DUSP22: variants seen among roughly 807,000 people sequenced by gnomAD.
DUSP22 encodes dual specificity protein phosphatase 22.
A neutral mutation model predicts 24.5 loss-of-function variants in DUSP22; 24 were observed. The ratio of observed to expected loss-of-function variants is 0.98; its 90% CI spans 0.71 to 1.38. The LOEUF (loss-of-function observed/expected upper bound fraction) is 1.38. Among genes scored for constraint, DUSP22 ranks in the 40% most tolerant of loss-of-function variants. DUSP22 has a pLI of 0.00. For missense variants in DUSP22, 330 were observed against 269.2 expected (o/e 1.23, Z -1.58); for synonymous variants, 160 against 106.4 (o/e 1.50, Z -3.10).
rs1431931017 is a variant in DUSP22, at chr6:349,284, C to T, written c.*333C>T. On this transcript the variant is annotated 3_prime_UTR_variant, in exon 7 of 7. Transcript: ENST00000419235. ...GCCTGTGTGAGTGAGGGTATGTGCA[C>T]CTAAGTGTGTACATGTGTGTATGTT... 1.6e-6 allele frequency: 2 copies of T among 1,280,946 alleles called. No individual in the cohort carries two copies. Among genetic ancestry groups the T allele is most frequent in the Non-Finnish European group, 2.0e-6 (2 of 1,005,848 alleles). The allele number at this position is 1,280,946 out of a possible 1,614,324, so 79.3% of individuals were successfully genotyped here.
intron 1 of DUSP22, among the ~76,000 whole-genome samples, chr6:295,827 CA>C (rs1757302498): frequency 6.7e-6 from 1 of 148,616 alleles, no homozygotes; most frequent in Non-Finnish European, 1.5e-5. Context: ...AACCCAACAA[CA>C]ACACAGTTGT....
chr6:328,406 A>G (rs1758984219), intron 3 of DUSP22, among the ~76,000 whole-genome samples: 1 of 152,306 alleles, frequency 6.6e-6, no homozygotes, highest in Non-Finnish European at 1.5e-5. Flanking sequence ...TTGCACTGAA[A>G]TATCTTGAAC....
Position 348,932 on chromosome 6 carries a change from A to G in DUSP22, c.599A>G (p.Asn200Ser). The change falls in exon 7 of 7, where the codon AAT becomes AGT. Residue 200 changes from asparagine to serine, a missense_variant. Physicochemically the swap from Asn to Ser is conservative, Grantham distance 46. Transcript: ENST00000419235. ...FPALAPLTYD[N>S]YTTET ...GCACTGGCTCCGCTGACCTACGATA[A>G]TTATACGACGGAGACCTAACGCAAG... 6.2e-7 allele frequency: 1 copy of G among 1,607,014 alleles called. No homozygotes were observed. The highest frequency in any genetic ancestry group is 8.5e-7 in the Non-Finnish European group (1 of 1,176,198).
rs951345827 is a variant in DUSP22, at chr6:346,044, C to A, written c.263+116C>A. 3.0e-6 allele frequency: 4 copies of A among 1,329,086 alleles called. No individual in the cohort carries two copies. In the Admixed American group the frequency reaches 6.1e-5, roughly 20 times the overall value. 82.3% of individuals were successfully genotyped at this position (1,329,086 alleles called of 1,614,324 possible). A position where few individuals can be genotyped will look rare whatever the true frequency, so the allele number is the denominator to read the frequency against. On this transcript the variant is annotated intron_variant, in intron 5 of 6. Transcript: ENST00000419235. The stretch of plus-strand genomic sequence containing the variant: ...CACCTCCTAATAGTTTTCTGTAAAC[C>A]CTGACTCTCAAACGCGTGCTCCATT...
At chr6:318,867 A>G (rs1189972851) in intron 3 of DUSP22, among the ~76,000 whole-genome samples, 3 of 152,300 alleles carry the variant, frequency 2.0e-5, no homozygotes, top group African/African-American at 4.8e-5. Flanking sequence ...CTCGGCAGCA[A>G]TTCAACAAGA....
At chr6:310,952 A>G (rs1341438759) in intron 2 of DUSP22, among the ~76,000 whole-genome samples, 1 of 152,302 alleles carries the variant, frequency 6.6e-6, no homozygotes, top group African/African-American at 2.4e-5. Flanking sequence ...CTGAGGCAAA[A>G]TTAATACAGA....
chr6:342,911 G>A (rs1280580399), intron 4 of DUSP22, among the ~76,000 whole-genome samples: 1 of 152,308 alleles, frequency 6.6e-6, no homozygotes, highest in Non-Finnish European at 1.5e-5. Flanking sequence ...TTATCTCCAG[G>A]CCAGCAGACT....
At chr6:345,776 A>C in intron 4 of DUSP22, 78 bp from the exon 5 acceptor site, 2 of 1,530,114 alleles carry the variant, frequency 1.3e-6, no homozygotes, top group South Asian at 2.3e-5. Flanking sequence ...TTAAGAAAGA[A>C]GCCTCAGGTA....
chr6:294,004 G>C (rs895964986), intron 1 of DUSP22, among the ~76,000 whole-genome samples: 36 of 152,356 alleles, frequency 2.4e-4, no homozygotes, highest in African/African-American at 8.2e-4. Flanking sequence ...TGGTATCTCA[G>C]CTTTCCTTTG....
At chr6:300,279 C>T (rs1757519315) in intron 1 of DUSP22, among the ~76,000 whole-genome samples, 1 of 152,308 alleles carries the variant, frequency 6.6e-6, no homozygotes, top group African/African-American at 2.4e-5. Flanking sequence ...TTGGAGAATG[C>T]CTTCGGGCTC....
rs1760152458 is a variant in DUSP22, at chr6:350,586, G to A, written c.*1635G>A. 2.8e-6 allele frequency: 4 copies of A among 1,420,612 alleles called. No individual in the cohort carries two copies. The highest frequency in any genetic ancestry group is 3.0e-5 in the South Asian group (2 of 65,884). The allele number at this position is 1,420,612 out of a possible 1,614,324, so 88.0% of individuals were successfully genotyped here. ...CCGCGCAGGTGCACAGGCCCCGGAT[G>A]TACACCCGGAAAGGGGAGTGTGGCT... is the stretch of plus-strand genomic sequence containing the variant. On this transcript the variant is annotated 3_prime_UTR_variant, in exon 7 of 7. Transcript: ENST00000419235.
At chr6:325,825 G>T (rs766878381) in intron 3 of DUSP22, 11 of 181,600 alleles carry the variant, frequency 6.1e-5, no homozygotes, top group South Asian at 1.6e-4. Context: ...AGAGTCATCT[G>T]CCCTGGGCTT....
At chr6:322,977 C>T (rs1758680813) in intron 3 of DUSP22, among the ~76,000 whole-genome samples, 2 of 152,302 alleles carry the variant, frequency 1.3e-5, no homozygotes, top group African/African-American at 4.8e-5. Context: ...CCTAGTTTAC[C>T]AAAGACTGGT....
Position 348,992 on chromosome 6 carries a change from A to G in DUSP22, c.*41A>G. On this transcript the variant is annotated 3_prime_UTR_variant, in exon 7 of 7. Transcript: ENST00000419235. ...GCCTTCCTTCCCACTGCTTGTCTTC[A>G]GTGTGCCCGGCTGGGCAGGGGTGCG... 1.3e-6 allele frequency: 2 copies of G among 1,552,812 alleles called. No individual in the cohort carries two copies. The highest frequency in any genetic ancestry group is 1.7e-6 in the Non-Finnish European group (2 of 1,147,964).
chr6:304,675 T>G lies in DUSP22; in HGVS notation c.55+14T>G, dbSNP rs1174948230. ...GCAACTTCAAAGGTGAGTTCTTGCT[T>G]TTTTATTGTTGTGATAAAATACACA... On this transcript the variant is annotated intron_variant, in intron 2 of 6. Coordinates refer to ENST00000419235, the MANE Select transcript of DUSP22 (RefSeq NM_001286555.3). 1.9e-6 allele frequency: 3 copies of G among 1,614,172 alleles called. No individual in the cohort carries two copies. Among genetic ancestry groups the G allele is most frequent in the Non-Finnish European group, 2.5e-6 (3 of 1,179,950 alleles).
intron 4 of DUSP22, among the ~76,000 whole-genome samples, chr6:343,600 G>T (rs1759716697): frequency 6.6e-6 from 1 of 151,982 alleles, no homozygotes; most frequent in Non-Finnish European, 1.5e-5. Context: ...CGGAGTCCTT[G>T]ATTTGGTCCC....
intron 1 of DUSP22, among the ~76,000 whole-genome samples, chr6:296,070 A>C (rs1757314923): frequency 6.6e-6 from 1 of 152,302 alleles, no homozygotes; most frequent in South Asian, 2.1e-4. Context: ...CCTAAAAAGT[A>C]ACTTGAAAAG....
chr6:349,800 G>A lies in DUSP22; in HGVS notation c.*849G>A, dbSNP rs1193455862. Reference sequence around the variant, plus strand: ...CCCATCGAGCCCTGAGTTCTACTTGGTGTTTGTTCTCTGGAGCTGATTGCA... The same window carrying A: ...CCCATCGAGCCCTGAGTTCTACTTGATGTTTGTTCTCTGGAGCTGATTGCA... On this transcript the variant is annotated 3_prime_UTR_variant, in exon 7 of 7. Coordinates refer to ENST00000419235, the MANE Select transcript of DUSP22 (RefSeq NM_001286555.3). 1.0e-6 allele frequency: 1 copy of A among 985,838 alleles called. No homozygotes were observed. Among genetic ancestry groups the A allele is most frequent in the Non-Finnish European group, 1.2e-6 (1 of 830,268 alleles). 61.1% of individuals were successfully genotyped at this position (985,838 alleles called of 1,614,324 possible).
At chr6:301,464 C>T (rs1386615323) in intron 1 of DUSP22, among the ~76,000 whole-genome samples, 2 of 152,298 alleles carry the variant, frequency 1.3e-5, no homozygotes, top group African/African-American at 4.8e-5. Flanking sequence ...ATATTTAGTT[C>T]AATGTTTGGC....
Sources: gnomAD v4.1 joint callset for allele counts (sites outside exome capture counted in the v4.1 genomes callset) on GRCh38, gnomAD v4.1.1 for gene constraint, MANE v1.5 for transcripts, NCBI Gene and HGNC (gene_info 2026-07-23, HGNC 2026-07-21) for gene names.